The following GRIN2B variants were observed in gnomAD, a reference collection of about 807,000 sequenced individuals.
GRIN2B encodes the protein glutamate ionotropic receptor NMDA type subunit 2B, also known as glutamate receptor ionotropic, NMDA 2B.
GRIN2B carries 5 observed loss-of-function variants against 114.5 expected under a neutral mutation model. That is an observed-to-expected ratio of 0.04 (90% CI 0.02 to 0.09). The LOEUF (loss-of-function observed/expected upper bound fraction) is 0.09. Among genes scored for constraint, GRIN2B ranks in the 10% least tolerant of loss-of-function variants. GRIN2B has a pLI of 1.00. For synonymous variants in GRIN2B, 787 were observed against 745.1 expected (o/e 1.06, Z -0.92); for missense variants, 1,108 against 1,943.5 (o/e 0.57, Z 8.08).
chr12:13,847,879 T>G (rs1170252619), intron 3 of GRIN2B, among the ~76,000 whole-genome samples: 1 of 152,152 alleles, frequency 6.6e-6, no homozygotes, highest in African/African-American at 2.4e-5. Flanking sequence ...GGTCCATAAA[T>G]CGTCGGAGTT....
intron 2 of GRIN2B, among the ~76,000 whole-genome samples, chr12:13,938,628 A>C (rs1313967130): frequency 6.6e-6 from 1 of 152,238 alleles, no homozygotes; most frequent in Non-Finnish European, 1.5e-5. Context: ...AGCTAGATTC[A>C]AAAGATTACA....
intron 10 of GRIN2B, among the ~76,000 whole-genome samples, chr12:13,605,550 C>CTCTCTT (rs778616357): frequency 1.1e-5 from 1 of 87,524 alleles, no homozygotes; most frequent in Non-Finnish European, 2.2e-5. Flanking sequence ...CTCTCTCTCT[C>CTCTCTT]TGACACACAC....
intron 3 of GRIN2B, among the ~76,000 whole-genome samples, chr12:13,771,394 A>T (rs1863905892): frequency 6.6e-6 from 1 of 152,180 alleles, no homozygotes; most frequent in African/African-American, 2.4e-5. Context: ...GTTTTGATAA[A>T]CCTACACAGT....
rs139801515 is a variant in GRIN2B at position 13,857,360 on chromosome 12, C to T, written c.411+8438G>A. On this transcript the variant is annotated intron_variant, in intron 3 of 13. Coordinates refer to ENST00000609686, the MANE Select transcript of GRIN2B (RefSeq NM_000834.5). ...TTCTCTAAGTTCTCAGTGCCTGTGGCGCACGCGTGCATACACACACACACA... is the reference window on the plus strand; with the variant it reads ...TTCTCTAAGTTCTCAGTGCCTGTGGTGCACGCGTGCATACACACACACACA... Among the ~76,000 whole-genome samples the T allele has an allele frequency of 6.7e-3, 996 of 148,492 alleles. 31 individuals carry two copies. The highest frequency in any genetic ancestry group is 0.055 in the Admixed American group (814 of 14,696).
At chr12:13,879,419 G>T (rs1394625684) in intron 2 of GRIN2B, among the ~76,000 whole-genome samples, 1 of 151,432 alleles carries the variant, frequency 6.6e-6, no homozygotes, top group East Asian at 1.9e-4. Flanking sequence ...GCACATGACC[G>T]TATAACAACA....
chr12:13,691,851 G>A (rs536962839), intron 4 of GRIN2B, among the ~76,000 whole-genome samples: 5 of 152,314 alleles, frequency 3.3e-5, no homozygotes, highest in Admixed American at 3.3e-4. Context: ...GCAAGTAGGT[G>A]TTGGTGGAAA....
In GRIN2B at chr12:13,854,651, A is replaced by T. The variant is rs541663903; in HGVS notation, c.411+11147T>A. On this transcript the variant is annotated intron_variant, in intron 3 of 13. Transcript: ENST00000609686. Reference sequence around the variant, plus strand: ...CGGTAGTGGAACAGCTAAAGGGAACACTGACACCCTTTCAGCATTGTCCCA... The same window carrying T: ...CGGTAGTGGAACAGCTAAAGGGAACTCTGACACCCTTTCAGCATTGTCCCA... Among the ~76,000 whole-genome samples the T allele has an allele frequency of 5.8e-4, 49 of 83,886 alleles. 1 individual carries two copies. The highest frequency in any genetic ancestry group is 2.3e-3 in the African/African-American group (45 of 19,854). 55.0% of individuals were successfully genotyped at this position (83,886 alleles called of 152,430 possible). A position where few individuals can be genotyped will look rare whatever the true frequency, so the allele number is the denominator to read the frequency against.
At chr12:13,911,694 A>G (rs1866629749) in intron 2 of GRIN2B, among the ~76,000 whole-genome samples, 1 of 152,104 alleles carries the variant, frequency 6.6e-6, no homozygotes, top group African/African-American at 2.4e-5. Context: ...ACGCACCCTC[A>G]AAATGACCAG....
At chr12:13,783,692 T>A (rs1591728216) in intron 3 of GRIN2B, among the ~76,000 whole-genome samples, 1 of 152,136 alleles carries the variant, frequency 6.6e-6, no homozygotes, top group African/African-American at 2.4e-5. Flanking sequence ...AAAAGTATGT[T>A]TCATTGTAAT....
At chr12:13,777,506 G>A (rs74065294) in intron 3 of GRIN2B, among the ~76,000 whole-genome samples, 60 of 152,236 alleles carry the variant, frequency 3.9e-4, no homozygotes, top group African/African-American at 1.3e-3. Flanking sequence ...GAAGTATTCC[G>A]CAATACCCAT....
intron 12 of GRIN2B, among the ~76,000 whole-genome samples, chr12:13,567,793 A>T (rs1401054611): frequency 6.6e-6 from 1 of 152,152 alleles, no homozygotes; most frequent in Non-Finnish European, 1.5e-5. Context: ...CATGCAGAAC[A>T]GTTCAAACAG....
intron 4 of GRIN2B, among the ~76,000 whole-genome samples, chr12:13,710,845 A>C (rs1950407376): frequency 6.6e-6 from 1 of 152,128 alleles, no homozygotes; most frequent in South Asian, 2.1e-4. Context: ...CAAGCTACCA[A>C]TGACTTTCTT....
chr12:13,639,099 G>A (rs951971576), intron 5 of GRIN2B, among the ~76,000 whole-genome samples: 3 of 152,126 alleles, frequency 2.0e-5, no homozygotes, highest in African/African-American at 7.2e-5. Context: ...AGTTGCCCAA[G>A]GTCATTGGGC....
At chr12:13,975,056 T>C (rs907629677) in intron 2 of GRIN2B, among the ~76,000 whole-genome samples, 3 of 151,910 alleles carry the variant, frequency 2.0e-5, no homozygotes, top group South Asian at 2.1e-4. Context: ...AGAGAGGAGA[T>C]GGGTGAACTT....
chr12:13,583,900 T>C (rs1948884761), intron 10 of GRIN2B, among the ~76,000 whole-genome samples: 1 of 152,118 alleles, frequency 6.6e-6, no homozygotes, highest in African/African-American at 2.4e-5. Flanking sequence ...GTGTAGCTAT[T>C]GTTCAGCTAA....
At chr12:13,718,423 C>A (rs979694677) in intron 4 of GRIN2B, among the ~76,000 whole-genome samples, 2 of 151,656 alleles carry the variant, frequency 1.3e-5, no homozygotes, top group Non-Finnish European at 2.9e-5. Context: ...GAGGAAGTAC[C>A]AAGGAAAAAA....
intron 10 of GRIN2B, among the ~76,000 whole-genome samples, chr12:13,590,602 T>G (rs190286236): frequency 2.6e-5 from 4 of 152,226 alleles, no homozygotes; most frequent in Non-Finnish European, 5.9e-5. Flanking sequence ...GGCTGCATAG[T>G]ATTCCATGGT....
chr12:13,809,199 C>T (rs907141659), intron 3 of GRIN2B, among the ~76,000 whole-genome samples: 1 of 152,162 alleles, frequency 6.6e-6, no homozygotes. Flanking sequence ...AGGACAACTG[C>T]TCTTGAATAT....
chr12:13,693,071 A>T (rs1373810638), intron 4 of GRIN2B, among the ~76,000 whole-genome samples: 1 of 152,050 alleles, frequency 6.6e-6, no homozygotes, highest in African/African-American at 2.4e-5. Context: ...CCCAGCCTCT[A>T]ATCTTTCTTA....
Sources: gnomAD v4.1 joint callset for allele counts (sites outside exome capture counted in the v4.1 genomes callset) on GRCh38, gnomAD v4.1.1 for gene constraint, MANE v1.5 for transcripts, NCBI Gene and HGNC (gene_info 2026-07-23, HGNC 2026-07-21) for gene names.